The following GSG1L variants were observed in gnomAD, a reference collection of about 807,000 sequenced individuals.
The protein encoded by GSG1L is GSG1 like, also known as germ cell-specific gene 1-like protein.
GSG1L carries 24 observed loss-of-function variants against 42.1 expected under a neutral mutation model. That is an observed-to-expected ratio of 0.57 (90% CI 0.41 to 0.80). The LOEUF is 0.80. Ranked by LOEUF, GSG1L falls within the 30% of genes least tolerant of loss-of-function variation. GSG1L has a pLI of 0.00. For synonymous variants in GSG1L, 215 were observed against 203.5 expected, an observed-to-expected ratio of 1.06 and a Z score of -0.48; for missense variants, 445 against 472.2, an observed-to-expected ratio of 0.94 and a Z score of 0.53.
rs566501599 is a variant in GSG1L at position 27,995,382 on chromosome 16, GGTAAAGAATCTAT to G, written c.350-32192_350-32180del. On this transcript the variant is annotated intron_variant, in intron 1 of 6. Coordinates refer to ENST00000447459, the MANE Select transcript of GSG1L (RefSeq NM_001109763.2). Reference sequence around the variant, plus strand: ...GAAATCATAATAAAACCCCACGGTGGGTAAAGAATCTATGTAAACGCATAACCAAAATGAAACA... The same window carrying G: ...GAAATCATAATAAAACCCCACGGTGGGTAAACGCATAACCAAAATGAAACA... Among the ~76,000 whole-genome samples, 61 of 152,248 alleles carry G rather than the reference GGTAAAGAATCTAT, an allele frequency of 4.0e-4. 1 individual carries two copies. In the South Asian group the frequency reaches 0.011, roughly 27 times the overall value.
chr16:27,812,542 G>A lies in GSG1L; in HGVS notation c.831-4988C>T, dbSNP rs112887343. Among the ~76,000 whole-genome samples, 86 of 152,324 alleles carry A rather than the reference G, an allele frequency of 5.6e-4. 1 individual carries two copies. Among genetic ancestry groups the A allele is most frequent in the African/African-American group, 1.8e-3 (73 of 41,578 alleles). Reference sequence around the variant, plus strand: ...ACGGGATTCGGCCTGCGTGGATAGCGTGTTAATGCCTGGTCAAGCCCAGTG... The same window carrying A: ...ACGGGATTCGGCCTGCGTGGATAGCATGTTAATGCCTGGTCAAGCCCAGTG... On this transcript the variant is annotated intron_variant, in intron 5 of 6. Coordinates refer to ENST00000447459, the MANE Select transcript of GSG1L (RefSeq NM_001109763.2).
At chr16:27,865,498 C>T (rs1328028557) in intron 3 of GSG1L, among the ~76,000 whole-genome samples, 2 of 136,968 alleles carry the variant, frequency 1.5e-5, no homozygotes, top group South Asian at 2.4e-4. Flanking sequence ...AGAGCAGGGA[C>T]GCTTCTTTCT....
chr16:27,911,442 C>T (rs1368394306), intron 2 of GSG1L, among the ~76,000 whole-genome samples: 1 of 152,210 alleles, frequency 6.6e-6, no homozygotes, highest in East Asian at 1.9e-4. Context: ...AGGCGCCCGC[C>T]ACCACACCCT....
At chr16:27,956,366 C>A (rs1269512539) in intron 2 of GSG1L, among the ~76,000 whole-genome samples, 1 of 152,190 alleles carries the variant, frequency 6.6e-6, no homozygotes, top group Non-Finnish European at 1.5e-5. Flanking sequence ...CCTTGACAAG[C>A]AAATTAATGA....
chr16:27,933,547 G>A (rs993306919), intron 2 of GSG1L, among the ~76,000 whole-genome samples: 3 of 150,242 alleles, frequency 2.0e-5, no homozygotes, highest in Non-Finnish European at 4.4e-5. Context: ...TACTCAGGAG[G>A]CTAAGGCAGG....
chr16:27,807,780 C>T (rs139366953), intron 5 of GSG1L, among the ~76,000 whole-genome samples: 1,857 of 152,262 alleles, frequency 0.012, 19 homozygotes, highest in Non-Finnish European at 0.019. Context: ...GGTGATGTGA[C>T]CAACCCAGTG....
intron 4 of GSG1L, among the ~76,000 whole-genome samples, chr16:27,844,030 T>C (rs1479766436): frequency 6.6e-6 from 1 of 152,140 alleles, no homozygotes; most frequent in Non-Finnish European, 1.5e-5. Flanking sequence ...CAGATGACTA[T>C]ACAGAGGAAG....
intron 5 of GSG1L, among the ~76,000 whole-genome samples, chr16:27,825,351 G>A (rs531924037): frequency 6.6e-6 from 1 of 152,238 alleles, no homozygotes; most frequent in Admixed American, 6.5e-5. Context: ...AGAAAATCCT[G>A]GCAGGTTGTA....
chr16:27,826,533 G>A (rs2083211162), intron 5 of GSG1L, among the ~76,000 whole-genome samples: 2 of 152,130 alleles, frequency 1.3e-5, no homozygotes, highest in South Asian at 4.2e-4. Flanking sequence ...TTGAGGGGAG[G>A]CGGTCCCAGG....
At chr16:27,991,525 C>T (rs1415166869) in intron 1 of GSG1L, among the ~76,000 whole-genome samples, 1 of 151,996 alleles carries the variant, frequency 6.6e-6, no homozygotes, top group Non-Finnish European at 1.5e-5. Flanking sequence ...CTGCCTCAGC[C>T]TCCCGAGTAG....
At chr16:27,865,653 A>G (rs544020490) in intron 3 of GSG1L, among the ~76,000 whole-genome samples, 54 of 141,322 alleles carry the variant, frequency 3.8e-4, no homozygotes, top group Non-Finnish European at 4.2e-4. Flanking sequence ...GTGTGTATGT[A>G]TATATATATA....
chr16:27,962,690 T>A (rs1159672350), intron 2 of GSG1L, among the ~76,000 whole-genome samples: 1 of 152,094 alleles, frequency 6.6e-6, no homozygotes, highest in Non-Finnish European at 1.5e-5. Flanking sequence ...GCCTCTGCTG[T>A]CGGGCTCTGA....
chr16:27,804,048 TAGATAGATAG>T (rs1597460960), intron 6 of GSG1L, among the ~76,000 whole-genome samples: 4 of 46,994 alleles, frequency 8.5e-5, no homozygotes, highest in East Asian at 2.9e-4. Flanking sequence ...GATAGATAGA[TAGATAGATAG>T]ATAGATAGAT....
At chr16:27,955,013 T>C (rs566558390) in intron 2 of GSG1L, among the ~76,000 whole-genome samples, 1 of 152,278 alleles carries the variant, frequency 6.6e-6, no homozygotes, top group African/African-American at 2.4e-5. Flanking sequence ...GGAAGTCCAT[T>C]GGCCAATATT....
chr16:27,963,396 C>T (rs896472096), intron 1 of GSG1L, among the ~76,000 whole-genome samples, 193 bp from the exon 2 acceptor site: 3 of 152,046 alleles, frequency 2.0e-5, no homozygotes, highest in African/African-American at 7.2e-5. Context: ...AATTCTCCCA[C>T]CTCCTGACCC....
chr16:28,017,054 G>A (rs1329006404), intron 1 of GSG1L, among the ~76,000 whole-genome samples: 1 of 152,214 alleles, frequency 6.6e-6, no homozygotes, highest in East Asian at 1.9e-4. Context: ...CCACTGTCTT[G>A]TGAATCAAAT....
At chr16:28,020,867 G>A (rs879426781) in intron 1 of GSG1L, among the ~76,000 whole-genome samples, 3 of 152,164 alleles carry the variant, frequency 2.0e-5, no homozygotes, top group Admixed American at 6.5e-5. Context: ...GAGGCCCCTT[G>A]GGAGGATTCT....
At chr16:27,908,302 C>T (rs2084343186) in intron 2 of GSG1L, among the ~76,000 whole-genome samples, 1 of 152,240 alleles carries the variant, frequency 6.6e-6, no homozygotes, top group African/African-American at 2.4e-5. Flanking sequence ...TCAGCAAAAC[C>T]ATCGAGCTGA....
chr16:27,961,229 TAGC>T (rs1323877355), intron 2 of GSG1L, among the ~76,000 whole-genome samples: 17 of 152,152 alleles, frequency 1.1e-4, no homozygotes, highest in Non-Finnish European at 2.1e-4. Flanking sequence ...TGCACACACA[TAGC>T]AGCAGCCACT....
Sources: allele counts gnomAD v4.1 joint callset (sites outside exome capture counted in the v4.1 genomes callset), GRCh38; gene constraint gnomAD v4.1.1; transcripts MANE v1.5; gene names NCBI Gene and HGNC (gene_info 2026-07-23, HGNC 2026-07-21).